The following SERAC1 variants were observed in gnomAD, a reference collection of about 807,000 sequenced individuals.
The protein encoded by SERAC1 is serine active site containing 1.
SERAC1 carries 36 observed loss-of-function variants against 85.7 expected under a neutral mutation model. The observed-to-expected ratio is 0.42, with a 90% confidence interval of 0.32 to 0.55. The LOEUF (loss-of-function observed/expected upper bound fraction) is 0.55. Ranked by LOEUF, SERAC1 falls within the 20% of genes least tolerant of loss-of-function variation. The pLI is 0.11. For missense variants in SERAC1, 629 were observed against 796.2 expected (o/e 0.79, Z 2.53); for synonymous variants, 242 against 265.3 (o/e 0.91, Z 0.85).
chr6:158,158,488 G>C, intron 1 of SERAC1, 124 bp from the exon 2 acceptor site: 1 of 596,644 alleles, frequency 1.7e-6, no homozygotes, highest in South Asian at 3.0e-5. Context: ...TCAAGACTAC[G>C]AAGAAAACTT....
chr6:158,112,017 T>C (rs1784154911), intron 16 of SERAC1: 1 of 152,502 alleles, frequency 6.6e-6, no homozygotes, highest in Non-Finnish European at 1.5e-5. Flanking sequence ...TGAGGCCACC[T>C]AGGTGAGGAA....
rs1236866381 is a variant in SERAC1 at position 158,119,520 on chromosome 6, GAAATT to G, written c.1167-355_1167-351del. ...TCTACAAATCAATAAAAGTATTTAA[GAAATT>G]AAAGAAGAACGTGCTAATAACAGTT... On this transcript the variant is annotated intron_variant, in intron 11 of 16. Coordinates refer to ENST00000647468, the MANE Select transcript of SERAC1 (RefSeq NM_032861.4). This position sits in a 1 kb window ranked among gnomAD's most constrained non-coding sequence, Gnocchi z 4.5. Among the ~76,000 whole-genome samples, 1 of 152,122 alleles carries G rather than the reference GAAATT, an allele frequency of 6.6e-6. No homozygotes were observed. Among genetic ancestry groups the G allele is most frequent in the East Asian group, 1.9e-4 (1 of 5,200 alleles).
At chr6:158,143,393 A>G (rs929060366) in intron 7 of SERAC1, among the ~76,000 whole-genome samples, 3 of 137,476 alleles carry the variant, frequency 2.2e-5, no homozygotes, top group East Asian at 2.2e-4. Context: ...ACATATATAT[A>G]TGATATAGAG....
At chr6:158,159,504 CAA>C (rs71027385) in intron 1 of SERAC1, among the ~76,000 whole-genome samples, 46 of 108,312 alleles carry the variant, frequency 4.2e-4, no homozygotes, top group Admixed American at 6.1e-4. Context: ...GACCCGGTTT[CAA>C]AAAAAAAAAA....
At position 158,110,196 on chromosome 6, in the gene SERAC1, G is replaced by C. The variant is rs920408206; in HGVS notation, c.*1170C>G. The C allele has an allele frequency of 6.6e-6, 1 of 152,152 alleles. No homozygotes were observed. Among genetic ancestry groups the C allele is most frequent in the Non-Finnish European group, 1.5e-5 (1 of 68,042 alleles). 9.4% of individuals were successfully genotyped at this position (152,152 alleles called of 1,614,324 possible). Reference sequence around the variant, plus strand: ...GAGTTTGAGACCTGGGCAACACAGTGAGACCCTGTCTCTACAAAAAAGTAT... The same window carrying C: ...GAGTTTGAGACCTGGGCAACACAGTCAGACCCTGTCTCTACAAAAAAGTAT... On this transcript the variant is annotated 3_prime_UTR_variant, in exon 17 of 17. Coordinates refer to ENST00000647468, the MANE Select transcript of SERAC1 (RefSeq NM_032861.4).
rs997305628 is a variant in SERAC1, at chr6:158,143,249, A to G, written c.610-65T>C. The G allele has an allele frequency of 3.8e-6, 6 of 1,575,386 alleles. No individual in the cohort carries two copies. In the African/African-American group the frequency reaches 8.2e-5, roughly 22 times the overall value. On this transcript the variant is annotated intron_variant, in intron 7 of 16. Transcript: ENST00000647468. ...CAACTGAGTACAACAAAAAATATCC[A>G]AAGACTCAAAGCCAATATTTGCCAT...
At chr6:158,149,995 T>C (rs535256317) in intron 4 of SERAC1, among the ~76,000 whole-genome samples, 1 of 152,304 alleles carries the variant, frequency 6.6e-6, no homozygotes, top group East Asian at 1.9e-4. Flanking sequence ...GTGTCCTAAC[T>C]AGTAAAGACA....
At position 158,109,697 on chromosome 6, in the gene SERAC1, C is replaced by T. The variant is rs1202776492; in HGVS notation, c.*1669G>A. 6.6e-6 allele frequency: 1 copy of T among 152,142 alleles called. No homozygotes were observed. Among genetic ancestry groups the T allele is most frequent in the Non-Finnish European group, 1.5e-5 (1 of 68,042 alleles). The allele number at this position is 152,142 out of a possible 1,614,324, so 9.4% of individuals were successfully genotyped here. On this transcript the variant is annotated 3_prime_UTR_variant, in exon 17 of 17. Transcript: ENST00000647468. ...ACATCTATCCACACATAAATTTGTA[C>T]ACAAATGATCATGGTAGCATTATTT... is the stretch of plus-strand genomic sequence containing the variant.
chr6:158,162,577 C>T (rs1352393137), intron 1 of SERAC1, among the ~76,000 whole-genome samples: 3 of 152,166 alleles, frequency 2.0e-5, no homozygotes, highest in Non-Finnish European at 2.9e-5. Flanking sequence ...CCTTCTGATA[C>T]TCCTATTAGA....
At chr6:158,132,849 TG>T (rs1169352161) in intron 8 of SERAC1, among the ~76,000 whole-genome samples, 2 of 152,230 alleles carry the variant, frequency 1.3e-5, no homozygotes, top group Non-Finnish European at 2.9e-5. Context: ...ACATAGTTAC[TG>T]CTACTTTATA....
chr6:158,146,041 G>T (rs1785047757), intron 6 of SERAC1: 1 of 152,102 alleles, frequency 6.6e-6, no homozygotes, highest in African/African-American at 2.4e-5. Context: ...ATTAGTATTA[G>T]AGCCAAGTAG....
chr6:158,149,612 C>G (rs982716770), intron 4 of SERAC1, among the ~76,000 whole-genome samples: 1 of 152,146 alleles, frequency 6.6e-6, no homozygotes, highest in Non-Finnish European at 1.5e-5. Context: ...TTTGGAGATA[C>G]TTTATTAAAG....
rs116273812 is a variant in SERAC1, at chr6:158,160,264, G to A, written c.-1-1900C>T. ...AATACTTATCTGAGTCCCTAGGAACGAAGAACTGTTCTAGATGCTAGCAAT... is the reference window on the plus strand; with the variant it reads ...AATACTTATCTGAGTCCCTAGGAACAAAGAACTGTTCTAGATGCTAGCAAT... On this transcript the variant is annotated intron_variant, in intron 1 of 16. Coordinates refer to ENST00000647468, the MANE Select transcript of SERAC1 (RefSeq NM_032861.4). 5.2e-3 allele frequency among the ~76,000 whole-genome samples: 783 copies of A among 151,618 alleles called. 6 individuals carry two copies. Among genetic ancestry groups the A allele is most frequent in the African/African-American group, 0.018 (739 of 41,306 alleles).
intron 2 of SERAC1, 60 bp from the exon 3 acceptor site, chr6:158,155,411 G>A: frequency 1.0e-6 from 1 of 992,010 alleles, no homozygotes; most frequent in Non-Finnish European, 1.6e-6. Flanking sequence ...AAAGGAAATA[G>A]GCAACAGTGT....
At chr6:158,149,165 T>G (rs552609730) in intron 4 of SERAC1, among the ~76,000 whole-genome samples, 14 of 152,280 alleles carry the variant, frequency 9.2e-5, no homozygotes, top group African/African-American at 3.4e-4. Context: ...CTAATTTTTT[T>G]GTATTTTTAG....
At chr6:158,160,746 T>C (rs796891564) in intron 1 of SERAC1, among the ~76,000 whole-genome samples, 18 of 152,332 alleles carry the variant, frequency 1.2e-4, no homozygotes, top group African/African-American at 3.8e-4. Flanking sequence ...AAATGTGCTA[T>C]ATAGTATGAA....
intron 2 of SERAC1, among the ~76,000 whole-genome samples, chr6:158,156,119 A>T (rs1785326892): frequency 6.6e-6 from 1 of 152,258 alleles, no homozygotes; most frequent in South Asian, 2.1e-4. Context: ...ACTGCACTCC[A>T]GCCTGGTCGA....
chr6:158,124,963 T>C (rs2128413979), intron 10 of SERAC1, among the ~76,000 whole-genome samples: 1 of 152,330 alleles, frequency 6.6e-6, no homozygotes, highest in South Asian at 2.1e-4. Context: ...TATTATCAGA[T>C]GTAAATCCAT....
chr6:158,147,194 A>G (rs1232372537), intron 5 of SERAC1, among the ~76,000 whole-genome samples: 1 of 151,984 alleles, frequency 6.6e-6, no homozygotes, highest in Non-Finnish European at 1.5e-5. Flanking sequence ...GCTGGAGTGC[A>G]GTGACACAAT....
Sources: gnomAD v4.1 joint callset for allele counts (sites outside exome capture counted in the v4.1 genomes callset) on GRCh38, gnomAD v4.1.1 for gene constraint, Gnocchi (gnomAD v3.1) non-coding constraint, MANE v1.5 for transcripts, NCBI Gene and HGNC (gene_info 2026-07-23, HGNC 2026-07-21) for gene names.